The following XRCC1 variants were observed in gnomAD, a reference collection of about 807,000 sequenced individuals.
The protein encoded by XRCC1 is DNA repair protein XRCC1.
In XRCC1, 52 loss-of-function variants were observed where a neutral mutation model predicts 83.3. The ratio of observed to expected loss-of-function variants is 0.62; its 90% confidence interval spans 0.50 to 0.79. The LOEUF (loss-of-function observed/expected upper bound fraction) is 0.79, where lower values mean the gene tolerates loss of function less well. Ranked by LOEUF, XRCC1 falls within the 30% of genes least tolerant of loss-of-function variation. The pLI is 0.00. For synonymous variants in XRCC1, 281 were observed against 312.6 expected (o/e 0.90, Z 1.07); for missense variants, 793 against 823.5 (o/e 0.96, Z 0.45).
chr19:43,548,776 A>AAAAAAAAAAAC (rs1972546124), intron 10 of XRCC1, among the ~76,000 whole-genome samples: 1 of 128,560 alleles, frequency 7.8e-6, no homozygotes, highest in South Asian at 2.6e-4. Flanking sequence ...CAAAAAAAAA[A>AAAAAAAAAAAC]AAAAAAAAAA....
At position 43,546,742 on chromosome 19, in the gene XRCC1, T is replaced by G; in HGVS notation, c.1294-15A>C. ...GTCTGGGGTTGCTAAGGAGGGAGAG[T>G]GGGTGGGTGAGGAGGGCAGGAACAG... On this transcript the variant is annotated splice_polypyrimidine_tract_variant and intron_variant, in intron 11 of 16. Coordinates refer to ENST00000262887, the MANE Select transcript of XRCC1 (RefSeq NM_006297.3). The G allele has an allele frequency of 1.3e-6, 2 of 1,598,702 alleles. No individual in the cohort carries two copies. The highest frequency in any genetic ancestry group is 1.4e-5 in the African/African-American group (1 of 73,700).
intron 2 of XRCC1, among the ~76,000 whole-genome samples, chr19:43,572,865 G>C (rs3213257): frequency 0.013 from 1,943 of 148,764 alleles, 35 homozygotes; most frequent in African/African-American, 0.045. Context: ...AAACAACCAA[G>C]TTGTATTAAC....
At chr19:43,553,762 A>T in intron 4 of XRCC1, 79 bp from the exon 5 acceptor site, 1 of 1,235,908 alleles carries the variant, frequency 8.1e-7, no homozygotes, top group South Asian at 1.6e-5. Flanking sequence ...CACTCAGGGA[A>T]ACCTCTTCCT....
chr19:43,555,500 A>T (rs1487591904), intron 3 of XRCC1: 1 of 152,186 alleles, frequency 6.6e-6, no homozygotes, highest in East Asian at 1.9e-4. Flanking sequence ...CAGCAGATGA[A>T]TCCAGTTTGC....
intron 2 of XRCC1, among the ~76,000 whole-genome samples, chr19:43,573,379 G>A (rs1042692074): frequency 2.0e-5 from 3 of 152,220 alleles, no homozygotes; most frequent in Middle Eastern, 6.8e-3. Context: ...TGCATTTAAG[G>A]CCCTTGCTGA....
At chr19:43,560,340 G>A (rs897443177) in intron 3 of XRCC1, among the ~76,000 whole-genome samples, 1 of 151,410 alleles carries the variant, frequency 6.6e-6, no homozygotes, top group South Asian at 2.1e-4. Context: ...AGGTTGCAAG[G>A]AGCTGAGATC....
rs368797992 is a variant in XRCC1 at position 43,554,823 on chromosome 19, A to G, written c.256-19T>C. Reference sequence around the variant, plus strand: ...GAAGGACCTGGGTGGGAGAAGCCACAGTGCATGAGAACCAGGGCAGGTTGG... The same window carrying G: ...GAAGGACCTGGGTGGGAGAAGCCACGGTGCATGAGAACCAGGGCAGGTTGG... On this transcript the variant is annotated intron_variant, in intron 3 of 16. Coordinates refer to ENST00000262887, the MANE Select transcript of XRCC1 (RefSeq NM_006297.3). The G allele has an allele frequency of 8.7e-6, 14 of 1,602,232 alleles. No homozygotes were observed. The highest frequency in any genetic ancestry group is 8.0e-5 in the African/African-American group (6 of 74,680).
In XRCC1 at chr19:43,552,280, AG is replaced by A. The variant is rs752592713; in HGVS notation, c.824-6del. 11 of 1,584,274 alleles carry A rather than the reference AG, an allele frequency of 6.9e-6. 1 individual carries two copies. The Middle Eastern group carries it at 8.3e-4, about 120-fold the overall frequency. ...GGGTACGAGTTGGAGCTGGCACTGG[AG>A]AAGACAAAGAGTAGATTAGGTTAGC... On this transcript the variant is annotated splice_polypyrimidine_tract_variant and splice_region_variant and intron_variant, in intron 8 of 16. Coordinates refer to ENST00000262887, the MANE Select transcript of XRCC1 (RefSeq NM_006297.3).
intron 10 of XRCC1, among the ~76,000 whole-genome samples, chr19:43,548,808 C>T (rs1600044875): frequency 7.0e-6 from 1 of 142,888 alleles, no homozygotes; most frequent in Non-Finnish European, 1.5e-5. Context: ...CAGGTTGACA[C>T]TTACATGGGA....
intron 2 of XRCC1, among the ~76,000 whole-genome samples, chr19:43,567,601 C>T (rs536020158): frequency 1.1e-4 from 16 of 151,722 alleles, no homozygotes; most frequent in African/African-American, 3.4e-4. Flanking sequence ...TGTGAGCTAC[C>T]GCATCTGGCT....
intron 10 of XRCC1, among the ~76,000 whole-genome samples, chr19:43,548,195 T>TG (rs1057049009): frequency 1.3e-5 from 2 of 149,894 alleles, no homozygotes; most frequent in South Asian, 2.1e-4. Flanking sequence ...GTCCGGGAGG[T>TG]GGGGGGCGCC....
At chr19:43,548,766 C>CAAAAAAA (rs60740505) in intron 10 of XRCC1, among the ~76,000 whole-genome samples, 1,671 of 64,216 alleles carry the variant, frequency 0.026, 133 homozygotes, top group Non-Finnish European at 0.038. Context: ...CAAGAATGAT[C>CAAAAAAA]AAAAAAAAAA....
chr19:43,545,693 G>T, intron 14 of XRCC1, 125 bp downstream of exon 14: 1 of 1,295,786 alleles, frequency 7.7e-7, no homozygotes, highest in Non-Finnish European at 1.1e-6. Context: ...CAGGGAGTGG[G>T]TTGAGGAAGG....
intron 10 of XRCC1, among the ~76,000 whole-genome samples, chr19:43,550,182 C>A (rs950359694): frequency 6.6e-6 from 1 of 151,998 alleles, no homozygotes; most frequent in African/African-American, 2.4e-5. Flanking sequence ...AAATGGCTGG[C>A]ATACAGATTG....
Position 43,575,519 on chromosome 19 carries a change from A to AG in XRCC1, c.-62dup, listed in dbSNP as rs1806930096. On this transcript the variant is annotated 5_prime_UTR_variant, in exon 1 of 17. Coordinates refer to ENST00000262887, the MANE Select transcript of XRCC1 (RefSeq NM_006297.3). Reference sequence around the variant, plus strand: ...AGGTAGAGTATGGGGTCCGAGGGGCAGGGAGAGTGGGAGGGGGCGGGGTGC... The same window carrying AG: ...AGGTAGAGTATGGGGTCCGAGGGGCAGGGGAGAGTGGGAGGGGGCGGGGTGC... 2.1e-6 allele frequency: 3 copies of AG among 1,427,992 alleles called. No homozygotes were observed. Among genetic ancestry groups the AG allele is most frequent in the Non-Finnish European group, 2.9e-6 (3 of 1,022,122 alleles). 88.5% of individuals were successfully genotyped at this position (1,427,992 alleles called of 1,614,324 possible). A position where few individuals can be genotyped will look rare whatever the true frequency, so the allele number is the denominator to read the frequency against.
rs146850746 is a variant in XRCC1 at position 43,562,802 on chromosome 19, A to T, written c.145-1782T>A. Among the ~76,000 whole-genome samples, 614 of 152,322 alleles carry T rather than the reference A, an allele frequency of 4.0e-3. 3 individuals carry two copies. The highest frequency in any genetic ancestry group is 6.9e-3 in the Admixed American group (105 of 15,302). On this transcript the variant is annotated intron_variant, in intron 2 of 16. Transcript: ENST00000262887. Reference sequence around the variant, plus strand: ...GAGATGACACAGAATTAACAACTATAACCACAACTGCGGCCAACATCCGAG... The same window carrying T: ...GAGATGACACAGAATTAACAACTATTACCACAACTGCGGCCAACATCCGAG...
chr19:43,573,659 G>A (rs959452025), intron 2 of XRCC1, among the ~76,000 whole-genome samples: 2 of 152,112 alleles, frequency 1.3e-5, no homozygotes, highest in African/African-American at 2.4e-5. Flanking sequence ...GAACGCTTGA[G>A]CCCAGGAGTT....
At chr19:43,553,329 C>A in intron 6 of XRCC1, 72 bp downstream of exon 6, 2 of 1,529,012 alleles carry the variant, frequency 1.3e-6, no homozygotes, top group African/African-American at 1.4e-5. Context: ...GAGCCCCAGC[C>A]CCCTCTACCC....
intron 3 of XRCC1, among the ~76,000 whole-genome samples, chr19:43,557,984 C>T (rs1459260395): frequency 6.6e-6 from 1 of 151,970 alleles, no homozygotes; most frequent in Admixed American, 6.6e-5. Flanking sequence ...ATTTAGGTTG[C>T]ACACTTTGGC....
Sources: allele counts gnomAD v4.1 joint callset (sites outside exome capture counted in the v4.1 genomes callset), GRCh38; gene constraint gnomAD v4.1.1; transcripts MANE v1.5; gene names NCBI Gene and HGNC (gene_info 2026-07-23, HGNC 2026-07-21).